NPM1: variants seen among roughly 807,000 people sequenced by gnomAD.
The protein encoded by NPM1 is nucleophosmin 1.
A neutral mutation model predicts 44.1 loss-of-function variants in NPM1; 1 was observed. That is an observed-to-expected ratio of 0.02 (90% CI 0.01 to 0.11). The LOEUF (loss-of-function observed/expected upper bound fraction) is 0.11, where lower values mean the gene tolerates loss of function less well. NPM1 is among the 10% of genes least tolerant of loss of function. The pLI is 1.00. For missense variants in NPM1, 197 were observed against 347.8 expected (o/e 0.57, Z 3.45); for synonymous variants, 126 against 111.8 (o/e 1.13, Z -0.80).
chr5:171,387,439 T>C (rs1356197055), upstream of NPM1, among the ~76,000 whole-genome samples: 1 of 152,088 alleles, frequency 6.6e-6, no homozygotes, highest in Non-Finnish European at 1.5e-5. Context: ...GCTCTCTGGC[T>C]CATTCGCAGC....
chr5:171,398,758 G>T (rs555319172), intron 6 of NPM1, among the ~76,000 whole-genome samples: 1 of 152,182 alleles, frequency 6.6e-6, no homozygotes, highest in South Asian at 2.1e-4. Context: ...GCGACAGAGC[G>T]AGACTCCGCC....
rs185295288 is a variant in NPM1 at position 171,387,886 on chromosome 5, C to T, written c.-63C>T. ...TGATTCCGTCCTGCGCGGTTGTTCT[C>T]TGGAGCAGCGTTCTTTTATCTCCGT... On this transcript the variant is annotated 5_prime_UTR_variant, in exon 1 of 11. Coordinates refer to ENST00000296930, the MANE Select transcript of NPM1 (RefSeq NM_002520.7). 1.8e-5 allele frequency: 27 copies of T among 1,515,492 alleles called. No homozygotes were observed. The highest frequency in any genetic ancestry group is 3.4e-5 in the South Asian group (3 of 88,758). The allele number at this position is 1,515,492 out of a possible 1,614,324, so 93.9% of individuals were successfully genotyped here.
intron 6 of NPM1, among the ~76,000 whole-genome samples, chr5:171,399,549 A>T (rs1392899668): frequency 6.6e-6 from 1 of 152,192 alleles, no homozygotes; most frequent in Non-Finnish European, 1.5e-5. Flanking sequence ...GGGTTTGTTT[A>T]TAAATTTTAG....
At chr5:171,405,535 T>A (rs1771519186) in intron 9 of NPM1, 132 bp downstream of exon 9, 1 of 640,850 alleles carries the variant, frequency 1.6e-6, no homozygotes, top group East Asian at 2.8e-5. Context: ...GTGGTATGAA[T>A]TTTTTCAAAA....
intron 5 of NPM1, 22 bp downstream of exon 5, chr5:171,392,838 T>C (rs776816090): frequency 2.0e-5 from 33 of 1,613,258 alleles, no homozygotes; most frequent in South Asian, 5.5e-5. Context: ...AATTTTATTA[T>C]AGGTTTTGTA....
intron 8 of NPM1, among the ~76,000 whole-genome samples, chr5:171,403,764 G>T (rs1475294080): frequency 7.3e-6 from 1 of 137,692 alleles, no homozygotes; most frequent in Non-Finnish European, 1.6e-5. Context: ...TCCCGGACGG[G>T]GCGGCTGGCC....
chr5:171,391,343 T>G lies in NPM1; in HGVS notation c.177T>G (p.Ile59Met), dbSNP rs142102985. The G allele has an allele frequency of 1.2e-6, 2 of 1,613,356 alleles. No individual in the cohort carries two copies. The highest frequency in any genetic ancestry group is 1.7e-6 in the Non-Finnish European group (2 of 1,179,864). ...LGAGAKDELH[I>M]VEAEAMNYEG... is the part of the protein sequence containing the mutation. ...CTGGTGCAAAGGATGAGTTGCACAT[T>G]GTTGAAGCAGAGGCAATGAATTACG... The change falls in exon 3 of 11, where the codon ATT becomes ATG. Residue 59 changes from isoleucine to methionine, a missense_variant. Around this residue, in one of 5 missense-constraint regions of NPM1, gnomAD observed 43 missense variants for 109.6 expected, o/e 0.39. Coordinates refer to ENST00000296930, the MANE Select transcript of NPM1 (RefSeq NM_002520.7).
At chr5:171,405,147 T>C (rs1014496333) in intron 8 of NPM1, among the ~76,000 whole-genome samples, 155 bp from the exon 9 acceptor site, 4 of 152,192 alleles carry the variant, frequency 2.6e-5, no homozygotes, top group African/African-American at 4.8e-5. Flanking sequence ...AAGAACAAAA[T>C]TATATGGCGT....
At chr5:171,391,923 C>A in intron 4 of NPM1, 124 bp downstream of exon 4, 7 of 462,110 alleles carry the variant, frequency 1.5e-5, no homozygotes, top group East Asian at 7.6e-5. Context: ...CAATGTGAGT[C>A]TAGAAATTGG....
intron 8 of NPM1, 31 bp downstream of exon 8, chr5:171,400,956 T>C: frequency 7.1e-7 from 1 of 1,407,290 alleles, no homozygotes; most frequent in Non-Finnish European, 1.0e-6. Flanking sequence ...GTGGGTCTCA[T>C]TGATCTAGTT....
At chr5:171,387,827 A>G (rs1581233812), upstream of NPM1, 1 of 919,252 alleles carries the variant, frequency 1.1e-6, no homozygotes, top group Non-Finnish European at 1.7e-6. Flanking sequence ...GGGTCTATAT[A>G]TAAGCGCGGG....
At chr5:171,389,550 T>C (rs1358905930) in intron 1 of NPM1, among the ~76,000 whole-genome samples, 1 of 152,246 alleles carries the variant, frequency 6.6e-6, no homozygotes, top group African/African-American at 2.4e-5. Flanking sequence ...TATGTCACTT[T>C]CTGTTGCTTT....
chr5:171,410,026 G>C (rs1382361914), intron 10 of NPM1, among the ~76,000 whole-genome samples: 1 of 151,766 alleles, frequency 6.6e-6, no homozygotes, highest in Non-Finnish European at 1.5e-5. Flanking sequence ...AAATTCCTGA[G>C]CTGAAGTGAT....
chr5:171,387,142 C>CTG (rs2113134554), upstream of NPM1: 1 of 152,400 alleles, frequency 6.6e-6, no homozygotes, highest in East Asian at 1.9e-4. Context: ...AATTTGGAGA[C>CTG]TGATTCAGTC....
At chr5:171,387,485 G>A (rs1770274497), upstream of NPM1, among the ~76,000 whole-genome samples, 1 of 152,254 alleles carries the variant, frequency 6.6e-6, no homozygotes, top group South Asian at 2.1e-4. Context: ...GCTAAGGGCT[G>A]CCGACGCCAT....
In NPM1 at chr5:171,391,817, A is replaced by G; in HGVS notation, c.352+18A>G. The G allele has an allele frequency of 6.8e-7, 1 of 1,462,848 alleles. No homozygotes were observed. Among genetic ancestry groups the G allele is most frequent in the Non-Finnish European group, 9.6e-7 (1 of 1,044,378 alleles). 90.6% of individuals were successfully genotyped at this position (1,462,848 alleles called of 1,614,324 possible). On this transcript the variant is annotated intron_variant, in intron 4 of 10. Coordinates refer to ENST00000296930, the MANE Select transcript of NPM1 (RefSeq NM_002520.7). ...CTTAGTAGGTATGTTATTTTTATAT[A>G]TTATACTACTTAGTTTGTCCTCTTT...
At chr5:171,405,678 A>C in intron 9 of NPM1, 1 of 384,956 alleles carries the variant, frequency 2.6e-6, no homozygotes, top group Admixed American at 4.5e-5. Flanking sequence ...TCCATGTTAA[A>C]ATAGATCAGT....
rs199784076 is a variant in NPM1, at chr5:171,400,460, CTTTTTT to C, written c.582+261_582+266del. Among the ~76,000 whole-genome samples the C allele has an allele frequency of 1.9e-3, 259 of 138,704 alleles. 1 individual carries two copies. The highest frequency in any genetic ancestry group is 6.4e-3 in the African/African-American group (237 of 37,250). The allele number at this position is 138,704 out of a possible 152,430, so 91.0% of individuals were successfully genotyped here. A position where few individuals can be genotyped will look rare whatever the true frequency, so the allele number is the denominator to read the frequency against. On this transcript the variant is annotated intron_variant, in intron 7 of 10. Coordinates refer to ENST00000296930, the MANE Select transcript of NPM1 (RefSeq NM_002520.7). ...CCAAGTGGTTGCTGCTTTTTCCTTC[CTTTTTT>C]TTTTTTTTTTGAGACGGAGTCTCAA...
rs149870556 is a variant in NPM1 at position 171,410,888 on chromosome 5, C to T, written c.*323C>T. 7.0e-5 allele frequency: 18 copies of T among 256,442 alleles called. No individual in the cohort carries two copies. The East Asian group carries it at 7.7e-4, about 11-fold the overall frequency. The allele number at this position is 256,442 out of a possible 1,614,324, so 15.9% of individuals were successfully genotyped here. On this transcript the variant is annotated 3_prime_UTR_variant, in exon 11 of 11. Coordinates refer to ENST00000296930, the MANE Select transcript of NPM1 (RefSeq NM_002520.7). ...AACTCAGTATTTTAATAAAGTAGCA[C>T]GGTTTCTATTGACTTATTTAACTGC...
Sources: gnomAD v4.1 joint callset for allele counts (sites outside exome capture counted in the v4.1 genomes callset) on GRCh38, gnomAD v4.1.1 for gene constraint, gnomAD v4.1.1 regional missense constraint, MANE v1.5 for transcripts, NCBI Gene and HGNC (gene_info 2026-07-23, HGNC 2026-07-21) for gene names.